PARD3: variants seen among roughly 807,000 people sequenced by gnomAD.
PARD3 encodes partitioning defective 3 homolog.
PARD3 carries 75 observed loss-of-function variants against 155.4 expected under a neutral mutation model. That is an observed-to-expected ratio of 0.48 (90% confidence interval 0.40 to 0.58). PARD3 has a LOEUF of 0.58. Ranked by LOEUF, PARD3 falls within the 20% of genes least tolerant of loss-of-function variation. The pLI is 0.00. For synonymous variants in PARD3, 576 were observed against 610.5 expected, an observed-to-expected ratio of 0.94 and a Z score of 0.83; for missense variants, 1,642 against 1,721.7, an observed-to-expected ratio of 0.95 and a Z score of 0.82.
At chr10:34,462,169 A>G (rs2132961443) in intron 4 of PARD3, among the ~76,000 whole-genome samples, 1 of 152,388 alleles carries the variant, frequency 6.6e-6, no homozygotes, top group Non-Finnish European at 1.5e-5. Context: ...AGAATAGTTT[A>G]AAGTCTGTTC....
Position 34,416,321 on chromosome 10 carries a change from G to A in PARD3, c.715-14404C>T, listed in dbSNP as rs776778786. On this transcript the variant is annotated intron_variant, in intron 5 of 24. Transcript: ENST00000374788. ...GCTTTGAGCAGACATAACTAGACTA[G>A]ATGCACTCTTAAAAGACGTCCAGGA... Among the ~76,000 whole-genome samples, 70 of 152,154 alleles carry A rather than the reference G, an allele frequency of 4.6e-4. 1 individual carries two copies. The highest frequency in any genetic ancestry group is 9.7e-4 in the Non-Finnish European group (66 of 68,036).
At chr10:34,586,821 T>C (rs976402600) in intron 2 of PARD3, among the ~76,000 whole-genome samples, 14 of 151,964 alleles carry the variant, frequency 9.2e-5, no homozygotes, top group African/African-American at 3.1e-4. Flanking sequence ...TAGTGGCACA[T>C]GCCTGTAATC....
intron 5 of PARD3, among the ~76,000 whole-genome samples, chr10:34,420,499 C>G (rs1158465350): frequency 6.6e-6 from 1 of 152,084 alleles, no homozygotes; most frequent in Non-Finnish European, 1.5e-5. Flanking sequence ...GATCATGATC[C>G]TGGAATTCAA....
intron 1 of PARD3, among the ~76,000 whole-genome samples, chr10:34,737,456 G>A (rs1055650277): frequency 1.3e-5 from 2 of 152,154 alleles, no homozygotes; most frequent in Admixed American, 6.6e-5. Context: ...CTATGGAGCC[G>A]ATTTTACCAC....
At chr10:34,229,994 A>G (rs1178478884) in intron 22 of PARD3, among the ~76,000 whole-genome samples, 1 of 152,144 alleles carries the variant, frequency 6.6e-6, no homozygotes, top group Non-Finnish European at 1.5e-5. Context: ...GTTTAAAAAT[A>G]CTGAAGCGTT....
At chr10:34,388,868 C>A (rs542517597) in intron 7 of PARD3, among the ~76,000 whole-genome samples, 1 of 152,216 alleles carries the variant, frequency 6.6e-6, no homozygotes, top group Non-Finnish European at 1.5e-5. Context: ...AGAACAACCC[C>A]AGATTTGTTA....
At chr10:34,381,344 A>C (rs1385835919) in intron 9 of PARD3, among the ~76,000 whole-genome samples, 1 of 152,236 alleles carries the variant, frequency 6.6e-6, no homozygotes, top group Non-Finnish European at 1.5e-5. Context: ...TATAAAAAAA[A>C]ATATTCTTTA....
intron 22 of PARD3, among the ~76,000 whole-genome samples, chr10:34,173,403 T>C (rs974274945): frequency 2.6e-5 from 4 of 152,208 alleles, no homozygotes; most frequent in Non-Finnish European, 5.9e-5. Flanking sequence ...AGGACAGGAA[T>C]GAACTTTGGG....
chr10:34,711,483 T>C (rs559948798), intron 1 of PARD3, among the ~76,000 whole-genome samples: 7 of 151,414 alleles, frequency 4.6e-5, no homozygotes, highest in Non-Finnish European at 1.0e-4. Context: ...ACGGTGCCAC[T>C]GCACTCCAGC....
chr10:34,715,374 C>G (rs1564538618), intron 1 of PARD3, among the ~76,000 whole-genome samples: 4 of 152,114 alleles, frequency 2.6e-5, no homozygotes, highest in Admixed American at 6.6e-5. Context: ...TGTGCATCAA[C>G]TTTGAGGAAA....
intron 22 of PARD3, among the ~76,000 whole-genome samples, chr10:34,220,904 G>A (rs1394585928): frequency 3.3e-5 from 5 of 152,164 alleles, no homozygotes; most frequent in South Asian, 4.1e-4. Flanking sequence ...GGATAGCAGC[G>A]GGAGAGCTAT....
At chr10:34,755,896 GC>G (rs962626227) in intron 1 of PARD3, among the ~76,000 whole-genome samples, 2 of 152,056 alleles carry the variant, frequency 1.3e-5, no homozygotes, top group Non-Finnish European at 2.9e-5. Context: ...TGCTTCAAAG[GC>G]CACCATATCT....
In PARD3 at chr10:34,640,477, C is replaced by T. The variant is rs188078044; in HGVS notation, c.222+55841G>A. Among the ~76,000 whole-genome samples the T allele has an allele frequency of 1.8e-3, 273 of 151,546 alleles. 1 individual carries two copies. Among genetic ancestry groups the T allele is most frequent in the African/African-American group, 6.4e-3 (263 of 41,312 alleles). On this transcript the variant is annotated intron_variant, in intron 2 of 24. Coordinates refer to ENST00000374788, the MANE Select transcript of PARD3 (RefSeq NM_001184785.2). ...ACTAAAAATACAAAAATTAGCTGGGCGTGGTGGCATGCACCTATAGTCCCA... is the reference window on the plus strand; with the variant it reads ...ACTAAAAATACAAAAATTAGCTGGGTGTGGTGGCATGCACCTATAGTCCCA...
intron 22 of PARD3, among the ~76,000 whole-genome samples, chr10:34,238,543 C>G (rs550013691): frequency 2.0e-5 from 3 of 152,088 alleles, no homozygotes; most frequent in African/African-American, 7.2e-5. Flanking sequence ...GACAAAGAAG[C>G]TGGTAGCCAA....
At chr10:34,274,753 C>G (rs530865827) in intron 21 of PARD3, among the ~76,000 whole-genome samples, 18 of 152,260 alleles carry the variant, frequency 1.2e-4, no homozygotes, top group African/African-American at 3.1e-4. Flanking sequence ...AATGACTAAA[C>G]TCTATGATAC....
intron 2 of PARD3, among the ~76,000 whole-genome samples, chr10:34,529,201 C>A (rs774305170): frequency 6.6e-5 from 10 of 152,150 alleles, no homozygotes; most frequent in Non-Finnish European, 7.4e-5. Context: ...ACAATTGAAG[C>A]CACAGGTTTC....
chr10:34,278,740 TCTTTA>T (rs766781133), intron 21 of PARD3, among the ~76,000 whole-genome samples: 40 of 152,218 alleles, frequency 2.6e-4, no homozygotes, highest in Non-Finnish European at 4.9e-4. Flanking sequence ...CAATTAGACC[TCTTTA>T]CTTTATAAAT....
chr10:34,698,434 C>T (rs2094213921), intron 1 of PARD3, among the ~76,000 whole-genome samples: 1 of 152,200 alleles, frequency 6.6e-6, no homozygotes. Flanking sequence ...CACACCTTAC[C>T]CTCCAGGCCA....
intron 22 of PARD3, among the ~76,000 whole-genome samples, chr10:34,254,323 G>A (rs1324068080): frequency 6.6e-6 from 1 of 152,012 alleles, no homozygotes; most frequent in Non-Finnish European, 1.5e-5. Context: ...AGCTTGCAGT[G>A]AGCCGAGATC....
Sources: gnomAD v4.1 joint callset for allele counts (sites outside exome capture counted in the v4.1 genomes callset) on GRCh38, gnomAD v4.1.1 for gene constraint, MANE v1.5 for transcripts, NCBI Gene and HGNC (gene_info 2026-07-23, HGNC 2026-07-21) for gene names.